RNF19A: variants seen among roughly 807,000 people sequenced by gnomAD.
The protein encoded by RNF19A is E3 ubiquitin-protein ligase RNF19A.
Under a neutral mutation model 75.7 loss-of-function variants are expected in RNF19A, and 32 were observed. The observed-to-expected ratio is 0.42, with a 90% CI of 0.32 to 0.57. RNF19A has a LOEUF of 0.57. RNF19A is among the 20% of genes least tolerant of loss of function. The probability of loss-of-function intolerance (pLI) is 0.10; values close to 1 mark genes in which losing one functional copy is unlikely to be tolerated. For synonymous variants in RNF19A, 335 were observed against 345.2 expected (o/e 0.97, Z 0.33); for missense variants, 782 against 1,036.3 (o/e 0.75, Z 3.37).
At chr8:100,302,757 A>C (rs1821892570) in intron 1 of RNF19A, among the ~76,000 whole-genome samples, 1 of 152,198 alleles carries the variant, frequency 6.6e-6, no homozygotes, top group Non-Finnish European at 1.5e-5. Context: ...TGGAGGAATT[A>C]CACTTTAAAG....
intron 1 of RNF19A, among the ~76,000 whole-genome samples, chr8:100,321,292 C>G (rs2130353635): frequency 6.6e-6 from 1 of 152,336 alleles, no homozygotes. Context: ...CTTCTGAATC[C>G]TTTGTTGCCA....
intron 1 of RNF19A, among the ~76,000 whole-genome samples, chr8:100,319,691 G>A (rs556229103): frequency 1.6e-3 from 244 of 151,834 alleles, no homozygotes; most frequent in African/African-American, 5.7e-3. Flanking sequence ...CACCATGCCC[G>A]GCTAATTTTT....
rs1788186 is a variant in RNF19A, at chr8:100,323,458, T to C, written c.-242-10086A>G. On this transcript the variant is annotated intron_variant, in intron 1 of 3. Coordinates refer to the RNF19A transcript ENST00000519527. The surrounding 1 kb of genome is among the most constrained non-coding windows in gnomAD (Gnocchi z 4.6). Reference sequence around the variant, plus strand: ...TGCTGGACAGCCTGTTTTTGCAGGATGACCACGTTTCACCCTTCTTTTCTG... The same window carrying C: ...TGCTGGACAGCCTGTTTTTGCAGGACGACCACGTTTCACCCTTCTTTTCTG... 0.46 allele frequency among the ~76,000 whole-genome samples: 70,457 copies of C among 152,070 alleles called. 17,292 individuals are homozygous for C. Among genetic ancestry groups the C allele is most frequent in the African/African-American group, 0.64 (26,403 of 41,462 alleles).
chr8:100,321,017 T>G (rs1028454434), intron 1 of RNF19A, among the ~76,000 whole-genome samples: 1 of 152,196 alleles, frequency 6.6e-6, no homozygotes, highest in South Asian at 2.1e-4. Context: ...ACATAATCTT[T>G]TTGCTGGTGG....
At chr8:100,266,835 T>C (rs986941617) in intron 5 of RNF19A, among the ~76,000 whole-genome samples, 2 of 152,202 alleles carry the variant, frequency 1.3e-5, no homozygotes, top group African/African-American at 4.8e-5. Flanking sequence ...AAGTCCAGGT[T>C]TACTCACTTA....
intron 3 of RNF19A, among the ~76,000 whole-genome samples, chr8:100,273,087 G>A (rs905814360): frequency 6.6e-6 from 1 of 151,704 alleles, no homozygotes; most frequent in Non-Finnish European, 1.5e-5. Flanking sequence ...GGCTGGTCTC[G>A]AACTCCTGGG....
rs563403371 is a variant in RNF19A, at chr8:100,329,708, G to A, written c.-243+6400C>T. On this transcript the variant is annotated intron_variant, in intron 1 of 3. Coordinates refer to the RNF19A transcript ENST00000519527. This position sits in a 1 kb window ranked among gnomAD's most constrained non-coding sequence, Gnocchi z 4.3. ...GAACTGGTTGTACTTGGCTAAGAGA[G>A]AAAAGACTAGAGCAGAAATGAAGTG... 3.3e-5 allele frequency among the ~76,000 whole-genome samples: 5 copies of A among 152,310 alleles called. No homozygotes were observed. Among genetic ancestry groups the A allele is most frequent in the African/African-American group, 1.2e-4 (5 of 41,570 alleles).
At chr8:100,309,531 TCGCCGGGCCGGC>T (rs1822206511) in intron 1 of RNF19A, 16 of 985,156 alleles carry the variant, frequency 1.6e-5, no homozygotes, top group Non-Finnish European at 1.9e-5. Flanking sequence ...CGTCATAATA[TCGCCGGGCCGGC>T]CGCCGGCCGC....
chr8:100,310,008 G>A (rs890292833), upstream of RNF19A: 1 of 985,022 alleles, frequency 1.0e-6, no homozygotes, highest in African/African-American at 1.7e-5. Context: ...CGGAGACGAC[G>A]GAGGGGAGGA....
At position 100,329,263 on chromosome 8, in the gene RNF19A, G is replaced by A. The variant is rs550140788; in HGVS notation, c.-243+6845C>T. Reference sequence around the variant, plus strand: ...CACATATACATATACACACATACACGTACACAAACACACACATTAGGACGT... The same window carrying A: ...CACATATACATATACACACATACACATACACAAACACACACATTAGGACGT... On this transcript the variant is annotated intron_variant, in intron 1 of 3. Coordinates refer to the RNF19A transcript ENST00000519527. The surrounding 1 kb of genome is among the most constrained non-coding windows in gnomAD (Gnocchi z 4.3). Among the ~76,000 whole-genome samples the A allele has an allele frequency of 3.2e-4, 48 of 151,824 alleles. No homozygotes were observed. The highest frequency in any genetic ancestry group is 2.0e-3 in the Admixed American group (31 of 15,256).
At chr8:100,267,435 T>A (rs994684921) in intron 5 of RNF19A, among the ~76,000 whole-genome samples, 54 of 152,114 alleles carry the variant, frequency 3.5e-4, no homozygotes, top group Non-Finnish European at 1.2e-4. Context: ...AGTGGCACAA[T>A]CACAGCTCAC....
At chr8:100,309,135 A>G (rs1822182910) in intron 1 of RNF19A, among the ~76,000 whole-genome samples, 1 of 152,234 alleles carries the variant, frequency 6.6e-6, no homozygotes. Context: ...TCAAAGTAGT[A>G]GTATTACTTG....
At chr8:100,293,434 T>C (rs1011842985) in intron 1 of RNF19A, among the ~76,000 whole-genome samples, 1 of 152,282 alleles carries the variant, frequency 6.6e-6, no homozygotes, top group African/African-American at 2.4e-5. Flanking sequence ...TTACACTGTC[T>C]TCTGGCCTCC....
chr8:100,271,752 T>C (rs1820265656), intron 3 of RNF19A, among the ~76,000 whole-genome samples: 1 of 152,222 alleles, frequency 6.6e-6, no homozygotes, highest in Non-Finnish European at 1.5e-5. Flanking sequence ...CTGTTTAGTT[T>C]GCTTTGTGTC....
intron 1 of RNF19A, among the ~76,000 whole-genome samples, chr8:100,296,054 C>T (rs1379996859): frequency 2.0e-5 from 3 of 152,144 alleles, no homozygotes; most frequent in African/African-American, 7.2e-5. Context: ...CTACCAAATT[C>T]GGATACCAAG....
intron 2 of RNF19A, among the ~76,000 whole-genome samples, chr8:100,276,450 G>A (rs976309407): frequency 2.0e-5 from 3 of 151,786 alleles, no homozygotes; most frequent in Non-Finnish European, 4.4e-5. Flanking sequence ...AAGTACATGT[G>A]ATTATAAGAG....
chr8:100,318,444 AT>A (rs1302479007), intron 1 of RNF19A, among the ~76,000 whole-genome samples: 3 of 152,220 alleles, frequency 2.0e-5, no homozygotes, highest in East Asian at 3.8e-4. Flanking sequence ...CCTTTTATCA[AT>A]TTTGAAACAA....
intron 1 of RNF19A, among the ~76,000 whole-genome samples, chr8:100,299,219 C>T (rs939075071): frequency 6.6e-6 from 1 of 152,036 alleles, no homozygotes; most frequent in Admixed American, 6.6e-5. Context: ...GTCTAGGGTC[C>T]CTTAGTTCCA....
In RNF19A at chr8:100,259,467, G is replaced by A. The variant is rs538861115; in HGVS notation, c.1827-221C>T. ...GGTGGACACATTTATTGCTTATGCTGTTCTAGACACTATGCTACCTTTTTT... is the reference window on the plus strand; with the variant it reads ...GGTGGACACATTTATTGCTTATGCTATTCTAGACACTATGCTACCTTTTTT... On this transcript the variant is annotated intron_variant, in intron 9 of 9. Transcript: ENST00000341084. This position sits in a 1 kb window ranked among gnomAD's most constrained non-coding sequence, Gnocchi z 4.5. Among the ~76,000 whole-genome samples the A allele has an allele frequency of 1.3e-5, 2 of 152,268 alleles. No individual in the cohort carries two copies. Among genetic ancestry groups the A allele is most frequent in the Admixed American group, 1.3e-4 (2 of 15,298 alleles).
Sources: gnomAD v4.1 joint callset for allele counts (sites outside exome capture counted in the v4.1 genomes callset) on GRCh38, gnomAD v4.1.1 for gene constraint, Gnocchi (gnomAD v3.1) non-coding constraint, MANE v1.5 for transcripts, NCBI Gene and HGNC (gene_info 2026-07-23, HGNC 2026-07-21) for gene names.